SLC14A2: variants seen among roughly 807,000 people sequenced by gnomAD.
SLC14A2 encodes urea transporter 2.
SLC14A2 carries 91 observed loss-of-function variants against 104.6 expected under a neutral mutation model. The ratio of observed to expected loss-of-function variants is 0.87; its 90% CI spans 0.73 to 1.04. The LOEUF is 1.04. Ranked by LOEUF, SLC14A2 falls within the 50% of genes least tolerant of loss-of-function variation. SLC14A2 has a pLI of 0.00. For synonymous variants in SLC14A2, 476 were observed against 466.4 expected, an observed-to-expected ratio of 1.02 and a Z score of -0.27; for missense variants, 1,189 against 1,156.0, an observed-to-expected ratio of 1.03 and a Z score of -0.41.
chr18:45,178,059 G>C, the SLC14A2 span, among the ~76,000 whole-genome samples: 1 of 152,186 alleles, frequency 6.6e-6, no homozygotes, highest in Non-Finnish European at 1.5e-5. Context: ...GGAAGGTAGA[G>C]AGAAGAACCA....
chr18:45,290,771 T>C (rs1401365659), intron 1 of SLC14A2, among the ~76,000 whole-genome samples: 1 of 139,798 alleles, frequency 7.2e-6, no homozygotes, highest in Non-Finnish European at 1.6e-5. Flanking sequence ...ATTTCATCTG[T>C]TTATTTTTAG....
intron 1 of SLC14A2, among the ~76,000 whole-genome samples, chr18:45,416,254 T>TC (rs892885471): frequency 6.7e-6 from 1 of 149,484 alleles, no homozygotes; most frequent in Non-Finnish European, 1.5e-5. Flanking sequence ...TGTTTCCTTT[T>TC]TTTTTTTTTT....
At chr18:45,187,694 G>C in the SLC14A2 span, among the ~76,000 whole-genome samples, 1 of 152,024 alleles carries the variant, frequency 6.6e-6, no homozygotes, top group African/African-American at 2.4e-5. Flanking sequence ...TGGGGCAAAG[G>C]TGTAACTTCC....
intron 1 of SLC14A2, among the ~76,000 whole-genome samples, chr18:45,302,305 A>T (rs990702010): frequency 2.6e-5 from 4 of 152,208 alleles, no homozygotes; most frequent in African/African-American, 9.6e-5. Flanking sequence ...GTGGAATAAG[A>T]GTTAGTCTAT....
At chr18:45,538,228 A>G (rs980347166) in intron 2 of SLC14A2, among the ~76,000 whole-genome samples, 4 of 152,172 alleles carry the variant, frequency 2.6e-5, no homozygotes, top group Admixed American at 2.6e-4. Context: ...AGGCAGCCTC[A>G]TTGATCCCAG....
chr18:45,341,921 G>C lies in SLC14A2; in HGVS notation c.-125+128730G>C, dbSNP rs117537644. On this transcript the variant is annotated intron_variant, in intron 1 of 20. Coordinates refer to the SLC14A2 transcript ENST00000586448. ...TAGTATTTCTAAGCACAAGAAGGCTGTGATGTGTCTTACAAAGAAAATATG... is the reference window on the plus strand; with the variant it reads ...TAGTATTTCTAAGCACAAGAAGGCTCTGATGTGTCTTACAAAGAAAATATG... 7.2e-5 allele frequency among the ~76,000 whole-genome samples: 11 copies of C among 152,234 alleles called. No homozygotes were observed. In the East Asian group the frequency reaches 2.1e-3, roughly 29 times the overall value.
chr18:45,456,933 A>G (rs1038900472), intron 1 of SLC14A2, among the ~76,000 whole-genome samples: 2 of 152,044 alleles, frequency 1.3e-5, no homozygotes, highest in African/African-American at 4.8e-5. Flanking sequence ...ATGCTCTATT[A>G]TTCCACCCAA....
intron 1 of SLC14A2, among the ~76,000 whole-genome samples, chr18:45,620,363 G>T (rs1462350562): frequency 6.6e-6 from 1 of 152,226 alleles, no homozygotes; most frequent in East Asian, 1.9e-4. Context: ...TCACAATGAG[G>T]TGAGCTTGCT....
At chr18:45,220,985 C>T (rs1320022216) in intron 1 of SLC14A2, among the ~76,000 whole-genome samples, 1 of 152,140 alleles carries the variant, frequency 6.6e-6, no homozygotes, top group Non-Finnish European at 1.5e-5. Flanking sequence ...CTGTTAAGGA[C>T]ACCAGTCATA....
At chr18:45,575,480 GTC>G (rs1261229340) in intron 2 of SLC14A2, among the ~76,000 whole-genome samples, 1 of 152,082 alleles carries the variant, frequency 6.6e-6, no homozygotes, top group Non-Finnish European at 1.5e-5. Context: ...ATCCTTCACA[GTC>G]TCTCCCCTTC....
intron 1 of SLC14A2, among the ~76,000 whole-genome samples, chr18:45,426,935 G>A (rs1348832946): frequency 6.6e-6 from 1 of 152,060 alleles, no homozygotes; most frequent in Non-Finnish European, 1.5e-5. Context: ...TTCCCTCAGG[G>A]AATGATTGCA....
intron 1 of SLC14A2, among the ~76,000 whole-genome samples, chr18:45,404,603 C>A (rs2086133247): frequency 6.6e-6 from 1 of 152,126 alleles, no homozygotes. Flanking sequence ...AGGCACATAC[C>A]CCCATCGCTA....
chr18:45,300,218 G>A (rs1288759728), intron 1 of SLC14A2, among the ~76,000 whole-genome samples: 1 of 152,138 alleles, frequency 6.6e-6, no homozygotes, highest in East Asian at 1.9e-4. Context: ...CTCTCTGAGG[G>A]GCTGCAGGCT....
intron 1 of SLC14A2, among the ~76,000 whole-genome samples, chr18:45,255,512 A>G (rs753677930): frequency 1.3e-5 from 2 of 152,218 alleles, no homozygotes; most frequent in Non-Finnish European, 2.9e-5. Flanking sequence ...CAAATAGTCA[A>G]TTTGCTTTAA....
intron 10 of SLC14A2, 104 bp from the exon 11 acceptor site, chr18:45,663,681 T>G (rs967708749): frequency 8.4e-6 from 11 of 1,308,332 alleles, no homozygotes; most frequent in Non-Finnish European, 1.2e-5. Context: ...GCTTCACTGC[T>G]CTCTCCTTTC....
intron 1 of SLC14A2, among the ~76,000 whole-genome samples, chr18:45,439,187 G>T (rs1036090910): frequency 1.3e-5 from 2 of 152,180 alleles, no homozygotes; most frequent in Non-Finnish European, 2.9e-5. Flanking sequence ...GCTGAGGAGG[G>T]AGGATTGCTT....
At chr18:45,552,746 A>G (rs2044074091) in intron 2 of SLC14A2, among the ~76,000 whole-genome samples, 1 of 152,194 alleles carries the variant, frequency 6.6e-6, no homozygotes, top group African/African-American at 2.4e-5. Flanking sequence ...TGATGGGCAG[A>G]GGGTAGCAGC....
chr18:45,242,509 G>A (rs1224161449), intron 1 of SLC14A2, among the ~76,000 whole-genome samples: 1 of 152,140 alleles, frequency 6.6e-6, no homozygotes, highest in African/African-American at 2.4e-5. Context: ...ATTACTAACT[G>A]CTTTACTTTA....
intron 1 of SLC14A2, among the ~76,000 whole-genome samples, chr18:45,284,201 G>A (rs995308171): frequency 6.6e-6 from 1 of 152,092 alleles, no homozygotes; most frequent in Non-Finnish European, 1.5e-5. Context: ...GCTAACACAC[G>A]GAACACTGTA....
Sources: gnomAD v4.1 joint callset for allele counts (sites outside exome capture counted in the v4.1 genomes callset) on GRCh38, gnomAD v4.1.1 for gene constraint, MANE v1.5 for transcripts, NCBI Gene and HGNC (gene_info 2026-07-23, HGNC 2026-07-21) for gene names.